The following ADGRV1 variants were observed in gnomAD, a reference collection of about 807,000 sequenced individuals.
ADGRV1 encodes adhesion G protein-coupled receptor V1.
In ADGRV1, 359 loss-of-function variants were observed where a neutral mutation model predicts 596.2. The ratio of observed to expected loss-of-function variants is 0.60; its 90% CI spans 0.55 to 0.66. The LOEUF (loss-of-function observed/expected upper bound fraction) is 0.66. Ranked by LOEUF, ADGRV1 falls within the 30% of genes least tolerant of loss-of-function variation. ADGRV1 has a pLI of 0.00. For missense variants in ADGRV1, 7,274 were observed against 7,575.6 expected (o/e 0.96, Z 1.48); for synonymous variants, 2,681 against 2,679.2 (o/e 1.00, Z -0.02).
chr5:90,849,401 T>TA (rs1215754523), intron 79 of ADGRV1, among the ~76,000 whole-genome samples: 8 of 152,106 alleles, frequency 5.3e-5, no homozygotes, highest in South Asian at 2.1e-4. Context: ...TATATATATA[T>TA]TTTTTTAGAT....
chr5:90,568,605 C>G (rs1755963813), intron 1 of ADGRV1, among the ~76,000 whole-genome samples: 1 of 152,108 alleles, frequency 6.6e-6, no homozygotes, highest in Non-Finnish European at 1.5e-5. Context: ...GTGAAGTGTT[C>G]TATAGATGTG....
intron 86 of ADGRV1, among the ~76,000 whole-genome samples, chr5:91,093,818 T>C (rs1300490958): frequency 6.6e-6 from 1 of 151,960 alleles, no homozygotes; most frequent in Non-Finnish European, 1.5e-5. Flanking sequence ...TTTTAAATAT[T>C]CATACGTGTG....
intron 86 of ADGRV1, among the ~76,000 whole-genome samples, chr5:91,086,500 G>C (rs936674655): frequency 6.6e-6 from 1 of 152,082 alleles, no homozygotes; most frequent in East Asian, 1.9e-4. Flanking sequence ...CAGATGAGTG[G>C]CTGTCAAACT....
intron 51 of ADGRV1, 52 bp from the exon 52 acceptor site, chr5:90,745,539 A>G: frequency 2.5e-6 from 3 of 1,191,200 alleles, no homozygotes; most frequent in Admixed American, 1.9e-5. Context: ...TACTATGTAT[A>G]TATCTTAAAT....
intron 53 of ADGRV1, among the ~76,000 whole-genome samples, chr5:90,752,478 T>C (rs1002607199): frequency 6.6e-6 from 1 of 152,058 alleles, no homozygotes; most frequent in Non-Finnish European, 1.5e-5. Context: ...TAAGCCCCAG[T>C]GTGTGTTGTT....
intron 79 of ADGRV1, 116 bp downstream of exon 79, chr5:90,848,937 T>C (rs1766195501): frequency 1.5e-6 from 1 of 672,852 alleles, no homozygotes. Flanking sequence ...ATACAGTCAA[T>C]GCATTGTACC....
Position 90,901,790 on chromosome 5 carries a change from A to G in ADGRV1, c.17856+37933A>G, listed in dbSNP as rs535436987. On this transcript the variant is annotated intron_variant, in intron 83 of 89. Transcript: ENST00000405460. ...ACTGACGTCAACTTCTTCCTTTTTA[A>G]AAATATGTACTATTCTAGCAATATC... is the stretch of plus-strand genomic sequence containing the variant. Among the ~76,000 whole-genome samples the G allele has an allele frequency of 9.2e-5, 14 of 152,264 alleles. No individual in the cohort carries two copies. In the South Asian group the frequency reaches 2.7e-3, roughly 29 times the overall value.
intron 58 of ADGRV1, among the ~76,000 whole-genome samples, chr5:90,761,021 A>C (rs870054): frequency 6.6e-6 from 1 of 152,170 alleles, no homozygotes; most frequent in Non-Finnish European, 1.5e-5. Flanking sequence ...TTCCGGCCCC[A>C]TATGTCACCA....
At chr5:90,589,583 T>A (rs148684995) in intron 1 of ADGRV1, among the ~76,000 whole-genome samples, 4 of 152,348 alleles carry the variant, frequency 2.6e-5, no homozygotes, top group Admixed American at 2.6e-4. Flanking sequence ...TTGCCTTTTT[T>A]ATTTTATAAA....
intron 64 of ADGRV1, 142 bp from the exon 65 acceptor site, chr5:90,781,288 G>T: frequency 4.2e-6 from 3 of 713,984 alleles, no homozygotes; most frequent in Non-Finnish European, 7.5e-6. Flanking sequence ...ATATTTTAGC[G>T]TTGAGGATCT....
intron 86 of ADGRV1, among the ~76,000 whole-genome samples, chr5:91,085,348 G>C (rs533774743): frequency 6.6e-6 from 1 of 152,198 alleles, no homozygotes; most frequent in South Asian, 2.1e-4. Flanking sequence ...ACTCTGTAAC[G>C]GATACTTATT....
intron 85 of ADGRV1, among the ~76,000 whole-genome samples, chr5:91,021,893 G>T (rs1783660249): frequency 6.6e-6 from 1 of 152,088 alleles, no homozygotes; most frequent in South Asian, 2.1e-4. Context: ...CTTCCTGTGA[G>T]CAAAGATATA....
At chr5:91,081,439 G>A (rs569386138) in intron 86 of ADGRV1, among the ~76,000 whole-genome samples, 32 of 152,136 alleles carry the variant, frequency 2.1e-4, no homozygotes, top group South Asian at 4.1e-4. Context: ...AAGCAAAATT[G>A]GCCATGTCAT....
chr5:90,845,129 G>A (rs1765752038), intron 78 of ADGRV1, among the ~76,000 whole-genome samples: 1 of 152,160 alleles, frequency 6.6e-6, no homozygotes, highest in South Asian at 2.1e-4. Context: ...AAGCAAGTGG[G>A]GAGTGTTGCC....
rs1029006322 is a variant in ADGRV1, at chr5:90,835,066, T to G, written c.16612-5512T>G. Among the ~76,000 whole-genome samples the G allele has an allele frequency of 7.2e-5, 11 of 152,180 alleles. 1 individual carries two copies. Among genetic ancestry groups the G allele is most frequent in the African/African-American group, 2.7e-4 (11 of 41,446 alleles). On this transcript the variant is annotated intron_variant, in intron 77 of 89. Transcript: ENST00000405460. ...TTCAATTGTTTTGCGATGTCATGTT[T>G]TCCTGGATGGTCTTGATGCTTGCGG...
At position 90,651,618 on chromosome 5, in the gene ADGRV1, T is replaced by TATC; in HGVS notation, c.3306_3308dup (p.Tyr1102_Gln1103insHis). On this transcript the variant is annotated inframe_insertion, in exon 18 of 90. Transcript: ENST00000405460. ...TTTTAATTTAGGTGATACAGTAGTA[T>TATC]ATCAATATGGAGTAGCTACAGTAAT... The TATC allele has an allele frequency of 6.3e-7, 1 of 1,587,184 alleles. No homozygotes were observed. Among genetic ancestry groups the TATC allele is most frequent in the Non-Finnish European group, 8.6e-7 (1 of 1,157,498 alleles).
Position 90,684,750 on chromosome 5 carries a change from A to G in ADGRV1, c.6274+555A>G, listed in dbSNP as rs112407241. ...CCTAAGGGCTCCACCTCTTAATACT[A>G]TCACCACTGGGATTAGGATTTAAAT... is the stretch of plus-strand genomic sequence containing the variant. On this transcript the variant is annotated intron_variant, in intron 28 of 89. Transcript: ENST00000405460. 3.0e-4 allele frequency among the ~76,000 whole-genome samples: 45 copies of G among 152,230 alleles called. 1 individual carries two copies. Among genetic ancestry groups the G allele is most frequent in the African/African-American group, 9.2e-4 (38 of 41,526 alleles).
chr5:90,943,121 C>G (rs1776296095), intron 83 of ADGRV1, among the ~76,000 whole-genome samples: 1 of 151,900 alleles, frequency 6.6e-6, no homozygotes, highest in African/African-American at 2.4e-5. Context: ...GCTGGCCTTT[C>G]CCTGTCTCTC....
At chr5:90,747,536 A>G (rs906160826) in intron 52 of ADGRV1, among the ~76,000 whole-genome samples, 3 of 152,080 alleles carry the variant, frequency 2.0e-5, no homozygotes, top group Non-Finnish European at 4.4e-5. Context: ...ACCCCCATCC[A>G]TTGACACAGG....
Sources: allele counts gnomAD v4.1 joint callset (sites outside exome capture counted in the v4.1 genomes callset), GRCh38; gene constraint gnomAD v4.1.1; transcripts MANE v1.5; gene names NCBI Gene and HGNC (gene_info 2026-07-23, HGNC 2026-07-21).